The following ASPRV1 variants were observed in gnomAD, a reference collection of about 807,000 sequenced individuals.
ASPRV1 encodes the protein retroviral-like aspartic protease 1.
A neutral mutation model predicts 11.0 loss-of-function variants in ASPRV1; 7 were observed. The ratio of observed to expected loss-of-function variants is 0.64; its 90% CI spans 0.36 to 1.20. The LOEUF (loss-of-function observed/expected upper bound fraction) is 1.20. ASPRV1 is among the 50% of genes most tolerant of loss of function. The pLI is 0.02. For missense variants in ASPRV1, 299 were observed against 320.0 expected (o/e 0.93, Z 0.50); for synonymous variants, 136 against 138.4 (o/e 0.98, Z 0.12).
At chr2:69,937,981 A>C in the ASPRV1 span, 3 of 927,116 alleles carry the variant, frequency 3.2e-6, no homozygotes, top group Non-Finnish European at 4.9e-6. Context: ...TCCTAACCTC[A>C]AGTGATCCAC....
chr2:70,041,381 C>T, the ASPRV1 span, among the ~76,000 whole-genome samples: 111 of 152,290 alleles, frequency 7.3e-4, no homozygotes, highest in African/African-American at 2.4e-3. Context: ...ATTCCTGGTA[C>T]GTGGTCACCC....
the ASPRV1 span, chr2:69,938,037 A>T: frequency 6.5e-7 from 1 of 1,531,802 alleles, no homozygotes; most frequent in Admixed American, 1.8e-5. Flanking sequence ...ATGAGCCACC[A>T]CGCCTGAGCT....
the ASPRV1 span, chr2:69,935,389 G>C: frequency 6.2e-7 from 1 of 1,614,090 alleles, no homozygotes; most frequent in Non-Finnish European, 8.5e-7. Flanking sequence ...AAGTTGAAGG[G>C]GCTGGTGCCA....
chr2:70,054,095 G>A, the ASPRV1 span: 2 of 152,216 alleles, frequency 1.3e-5, no homozygotes, highest in African/African-American at 4.8e-5. Context: ...CACTTTGGGA[G>A]GCTGAGGCGG....
the ASPRV1 span, among the ~76,000 whole-genome samples, chr2:69,995,717 C>T: frequency 1.3e-5 from 2 of 152,040 alleles, no homozygotes; most frequent in African/African-American, 4.8e-5. Context: ...GAAGGGAGGG[C>T]AGGGGCAATT....
the ASPRV1 span, chr2:70,085,686 A>T: frequency 8.5e-5 from 13 of 152,270 alleles, no homozygotes. Context: ...ACCATGGTAA[A>T]AATTAAAGAT....
At chr2:70,049,729 C>G in the ASPRV1 span, 1 of 152,214 alleles carries the variant, frequency 6.6e-6, no homozygotes, top group African/African-American at 2.4e-5. Context: ...AGACAGCAGT[C>G]TCATCACTTA....
At chr2:70,076,963 G>GT in the ASPRV1 span, among the ~76,000 whole-genome samples, 1 of 152,264 alleles carries the variant, frequency 6.6e-6, no homozygotes, top group East Asian at 1.9e-4. Flanking sequence ...TCAAACCACT[G>GT]TAAGTCAGGG....
chr2:69,968,927 ACT>A, the ASPRV1 span, among the ~76,000 whole-genome samples: 1 of 151,760 alleles, frequency 6.6e-6, no homozygotes, highest in Admixed American at 6.6e-5. Flanking sequence ...TGTCATGTAC[ACT>A]CTTTTCCTGA....
At chr2:69,944,424 C>A in the ASPRV1 span, among the ~76,000 whole-genome samples, 1 of 152,230 alleles carries the variant, frequency 6.6e-6, no homozygotes, top group Non-Finnish European at 1.5e-5. Context: ...CTCCGTGAAC[C>A]TTCACATTGG....
chr2:69,941,250 T>C, the ASPRV1 span: 1 of 152,206 alleles, frequency 6.6e-6, no homozygotes, highest in Non-Finnish European at 1.5e-5. Context: ...TGGGAAAATA[T>C]ATATGTGTGC....
At chr2:69,962,730 G>A (rs766449613), upstream of ASPRV1, 28 of 164,484 alleles carry the variant, frequency 1.7e-4, no homozygotes, top group Non-Finnish European at 2.8e-4. Context: ...CCTTCTGCCT[G>A]TCCCTAGAAA....
the ASPRV1 span, among the ~76,000 whole-genome samples, chr2:70,038,542 A>G: frequency 5.9e-5 from 9 of 152,160 alleles, no homozygotes; most frequent in Non-Finnish European, 1.0e-4. Context: ...ACCACATCAT[A>G]GCACTTCACT....
At chr2:69,986,843 T>A in the ASPRV1 span, among the ~76,000 whole-genome samples, 7 of 152,026 alleles carry the variant, frequency 4.6e-5, no homozygotes, top group Admixed American at 6.6e-5. Context: ...GACTGGGAGG[T>A]CACTTAGTGG....
At chr2:70,017,165 G>A in the ASPRV1 span, among the ~76,000 whole-genome samples, 1 of 152,054 alleles carries the variant, frequency 6.6e-6, no homozygotes, top group Non-Finnish European at 1.5e-5. Context: ...TAATTTTTTT[G>A]TATTTTTAGT....
At chr2:69,959,068 G>C (rs1334782281), downstream of ASPRV1, among the ~76,000 whole-genome samples, 2 of 152,264 alleles carry the variant, frequency 1.3e-5, no homozygotes, top group African/African-American at 4.8e-5. Flanking sequence ...GAAGGGGCCA[G>C]GGACGGGCAG....
Position 69,960,688 on chromosome 2 carries a change from G to C in ASPRV1, c.749C>G (p.Ser250Ter). The part of the protein sequence containing the change: ...DLELIEEDPS[S>*]EEGRQELSH ...GGATAGCTCCTGCCGCCCTTCTTCTGAGGAGGGGTCCTCCTCTATGAGCTC... is the reference window on the plus strand; with the variant it reads ...GGATAGCTCCTGCCGCCCTTCTTCTCAGGAGGGGTCCTCCTCTATGAGCTC... The change falls in exon 1 of 1, where the codon TCA (serine) becomes TGA (stop). Residue 250 changes from serine to a stop codon, truncating the protein, a stop_gained. Transcript: ENST00000320256. LOFTEE classifies it high-confidence loss of function. 1 of 1,613,746 alleles carries C rather than the reference G, an allele frequency of 6.2e-7. No homozygotes were observed. The highest frequency in any genetic ancestry group is 8.5e-7 in the Non-Finnish European group (1 of 1,179,894).
the ASPRV1 span, among the ~76,000 whole-genome samples, chr2:69,949,878 C>G: frequency 6.6e-6 from 1 of 152,166 alleles, no homozygotes; most frequent in African/African-American, 2.4e-5. Flanking sequence ...TGCAATGGCA[C>G]GATCTCAGCT....
chr2:70,079,116 T>C, the ASPRV1 span, among the ~76,000 whole-genome samples: 1 of 152,194 alleles, frequency 6.6e-6, no homozygotes, highest in Non-Finnish European at 1.5e-5. Context: ...GGAGATGTTC[T>C]GAAGTTTTTT....
Sources: allele counts gnomAD v4.1 joint callset (sites outside exome capture counted in the v4.1 genomes callset), GRCh38; gene constraint gnomAD v4.1.1; transcripts MANE v1.5; gene names NCBI Gene and HGNC (gene_info 2026-07-23, HGNC 2026-07-21).